Variants in SLC30A8 observed in about 807,000 individuals in gnomAD.
The protein encoded by SLC30A8 is proton-coupled zinc antiporter SLC30A8.
SLC30A8 carries 27 observed loss-of-function variants against 36.9 expected under a neutral mutation model. The observed-to-expected ratio is 0.73, with a 90% CI of 0.54 to 1.01. The LOEUF is 1.01. SLC30A8 is among the 50% of genes least tolerant of loss of function. The pLI is 0.00. For missense variants in SLC30A8, 439 were observed against 452.0 expected, an observed-to-expected ratio of 0.97 and a Z score of 0.26; for synonymous variants, 164 against 172.4, an observed-to-expected ratio of 0.95 and a Z score of 0.38.
At position 117,172,937 on chromosome 8, in the gene SLC30A8, C is replaced by A; in HGVS notation, c.*256C>A. ...TATATAGATTATTCCTGAGTGGAGC[C>A]GAAGTAACAGCTGTTTGTAACTATC... On this transcript the variant is annotated 3_prime_UTR_variant, in exon 8 of 8. Coordinates refer to ENST00000456015, the MANE Select transcript of SLC30A8 (RefSeq NM_173851.3). The A allele has an allele frequency of 2.3e-6, 1 of 436,678 alleles. No individual in the cohort carries two copies. Among genetic ancestry groups the A allele is most frequent in the Non-Finnish European group, 4.1e-6 (1 of 245,640 alleles). 27.1% of individuals were successfully genotyped at this position (436,678 alleles called of 1,614,324 possible). A position where few individuals can be genotyped will look rare whatever the true frequency, so the allele number is the denominator to read the frequency against.
Position 117,175,135 on chromosome 8 carries a change from T to G in SLC30A8, c.*2454T>G, listed in dbSNP as rs1823612343. ...TGTCTTTTTTTTGTTATTGTTATAC[T>G]TTAAGTTCTGGGGTACATGTGCGGA... On this transcript the variant is annotated 3_prime_UTR_variant, in exon 8 of 8. Transcript: ENST00000456015. 6.6e-6 allele frequency: 1 copy of G among 152,132 alleles called. No individual in the cohort carries two copies. Among genetic ancestry groups the G allele is most frequent in the African/African-American group, 2.4e-5 (1 of 41,446 alleles). 9.4% of individuals were successfully genotyped at this position (152,132 alleles called of 1,614,324 possible). A position where few individuals can be genotyped will look rare whatever the true frequency, so the allele number is the denominator to read the frequency against.
chr8:117,172,651 C>A lies in SLC30A8; in HGVS notation c.1080C>A (p.Asp360Glu). Residue 360 changes from aspartate (D) to glutamate (E), a missense_variant, in exon 8 of 8, where the codon GAC becomes GAA. Asp to Glu is a conservative substitution (Grantham distance 45). Transcript: ENST00000456015. ...AATCTCCAGTTGACCAGGACCCCGACTGCCTTTTCTGTGAAGACCCCTGTG... is the reference window on the plus strand; with the variant it reads ...AATCTCCAGTTGACCAGGACCCCGAATGCCTTTTCTGTGAAGACCCCTGTG... Reference protein sequence around the residue: ...QMESPVDQDPDCLFCEDPCD With the variant: ...QMESPVDQDPECLFCEDPCD The A allele has an allele frequency of 6.2e-7, 1 of 1,613,730 alleles. No homozygotes were observed.
upstream of SLC30A8, among the ~76,000 whole-genome samples, chr8:117,134,527 G>A (rs189293568): frequency 3.8e-4 from 58 of 152,084 alleles, no homozygotes; most frequent in African/African-American, 1.3e-3. Flanking sequence ...TTCCTTCCTC[G>A]GAGCTGGAAC....
chr8:117,127,590 A>G (rs993937801), intron 2 of SLC30A8, among the ~76,000 whole-genome samples: 8 of 152,042 alleles, frequency 5.3e-5, no homozygotes, highest in Admixed American at 5.2e-4. Context: ...TAAATGTTTC[A>G]TTTTAAGTTG....
At chr8:117,120,039 C>T (rs1820625111) in intron 2 of SLC30A8, among the ~76,000 whole-genome samples, 1 of 151,786 alleles carries the variant, frequency 6.6e-6, no homozygotes, top group South Asian at 2.1e-4. Context: ...CAAATGTGCA[C>T]ACTACCCAAA....
chr8:117,105,701 C>T (rs1221023195), intron 2 of SLC30A8, among the ~76,000 whole-genome samples: 1 of 152,020 alleles, frequency 6.6e-6, no homozygotes, highest in African/African-American at 2.4e-5. Context: ...TTCAGTGAGG[C>T]CCACCCACAT....
chr8:117,037,438 G>A (rs1353248887), intron 1 of SLC30A8, among the ~76,000 whole-genome samples: 1 of 152,194 alleles, frequency 6.6e-6, no homozygotes, highest in Non-Finnish European at 1.5e-5. Context: ...GGTTGGAGGA[G>A]AATGGAGAGG....
intron 2 of SLC30A8, among the ~76,000 whole-genome samples, chr8:117,067,162 A>G (rs1304093754): frequency 6.6e-6 from 1 of 152,130 alleles, no homozygotes. Context: ...GCATTAGGGT[A>G]ACCAGCCCCA....
intron 2 of SLC30A8, among the ~76,000 whole-genome samples, chr8:117,045,501 C>G (rs1272578252): frequency 6.6e-6 from 1 of 152,146 alleles, no homozygotes; most frequent in Non-Finnish European, 1.5e-5. Context: ...TAATATCATT[C>G]CAGCCCAAAG....
chr8:117,044,315 T>C (rs994087693), intron 2 of SLC30A8, among the ~76,000 whole-genome samples: 2 of 152,202 alleles, frequency 1.3e-5, no homozygotes, highest in African/African-American at 4.8e-5. Flanking sequence ...ATTGGACAAA[T>C]GACTGAGTAC....
chr8:117,046,946 G>T (rs1817571569), intron 2 of SLC30A8, among the ~76,000 whole-genome samples: 1 of 152,202 alleles, frequency 6.6e-6, no homozygotes, highest in Non-Finnish European at 1.5e-5. Context: ...AGAAGAATTT[G>T]ATTGGCTCAG....
intron 1 of SLC30A8, among the ~76,000 whole-genome samples, chr8:116,984,060 T>G (rs1156457603): frequency 1.3e-5 from 2 of 152,206 alleles, no homozygotes; most frequent in Non-Finnish European, 2.9e-5. Flanking sequence ...ATTTCAATAA[T>G]GTTATTATGG....
chr8:117,056,354 A>G (rs1817870439), intron 2 of SLC30A8, among the ~76,000 whole-genome samples: 1 of 152,110 alleles, frequency 6.6e-6, no homozygotes, highest in Non-Finnish European at 1.5e-5. Flanking sequence ...TCACCACAGC[A>G]GTAGCTTTAA....
intron 2 of SLC30A8, among the ~76,000 whole-genome samples, chr8:117,086,379 C>T (rs1385898605): frequency 1.3e-5 from 2 of 152,192 alleles, no homozygotes; most frequent in African/African-American, 4.8e-5. Flanking sequence ...TAATAATGGG[C>T]TTCTGCTTTA....
At chr8:117,034,328 A>G (rs1817145085) in intron 1 of SLC30A8, among the ~76,000 whole-genome samples, 1 of 152,168 alleles carries the variant, frequency 6.6e-6, no homozygotes, top group South Asian at 2.1e-4. Flanking sequence ...ATACTCCCAC[A>G]TCCAGTCCTG....
chr8:116,990,838 T>C (rs1045879896), intron 1 of SLC30A8, among the ~76,000 whole-genome samples: 2 of 152,210 alleles, frequency 1.3e-5, no homozygotes, highest in Non-Finnish European at 2.9e-5. Context: ...TGTAAATTTA[T>C]AATTATTCTA....
At chr8:116,960,471 T>G (rs542867677) in intron 1 of SLC30A8, among the ~76,000 whole-genome samples, 1 of 152,344 alleles carries the variant, frequency 6.6e-6, no homozygotes, top group South Asian at 2.1e-4. Context: ...AGCATGTAAC[T>G]TGTCTCACTT....
chr8:117,002,100 A>G (rs905263265), intron 1 of SLC30A8, among the ~76,000 whole-genome samples: 9 of 152,192 alleles, frequency 5.9e-5, no homozygotes, highest in Non-Finnish European at 1.2e-4. Context: ...ACTGTACCAC[A>G]TTGGTTCAGT....
At chr8:117,076,555 G>A (rs1818493839) in intron 2 of SLC30A8, among the ~76,000 whole-genome samples, 1 of 152,126 alleles carries the variant, frequency 6.6e-6, no homozygotes, top group Non-Finnish European at 1.5e-5. Flanking sequence ...GAAAAAAAAA[G>A]TGGAGTGGGA....
Sources: gnomAD v4.1 joint callset for allele counts (sites outside exome capture counted in the v4.1 genomes callset) on GRCh38, gnomAD v4.1.1 for gene constraint, MANE v1.5 for transcripts, NCBI Gene and HGNC (gene_info 2026-07-23, HGNC 2026-07-21) for gene names.